The following METTL16 variants were observed in gnomAD, a reference collection of about 807,000 sequenced individuals.
METTL16 encodes the protein methyltransferase 16, RNA N6-adenosine, also known as RNA N(6)-adenosine-methyltransferase METTL16.
In METTL16, 19 loss-of-function variants were observed where a neutral mutation model predicts 57.9. That is an observed-to-expected ratio of 0.33 (90% CI 0.23 to 0.48). The LOEUF is 0.48. METTL16 is among the 20% of genes least tolerant of loss of function. The probability of loss-of-function intolerance (pLI) is 0.99; values close to 1 mark genes in which losing one functional copy is unlikely to be tolerated. For missense variants in METTL16, 434 were observed against 691.5 expected (o/e 0.63, Z 4.18); for synonymous variants, 246 against 255.6 (o/e 0.96, Z 0.36).
chr17:2,420,174 C>G lies in METTL16; in HGVS notation c.1485G>C (p.Gln495His), dbSNP rs774102512. The G allele has an allele frequency of 1.9e-6, 3 of 1,614,144 alleles. No homozygotes were observed. Among genetic ancestry groups the G allele is most frequent in the Non-Finnish European group, 2.5e-6 (3 of 1,180,054 alleles). ...NGAQDQEASE[Q>H]FGSPVAERGK... The stretch of plus-strand genomic sequence containing the variant: ...CCCTTTCAGCCACTGGGCTGCCGAA[C>G]TGCTCAGAAGCCTCTTGGTCCTGGG... Residue 495 changes from glutamine to histidine, a missense_variant, in exon 10 of 10, where the codon CAG (glutamine) becomes CAC (histidine). By Grantham distance (24) the Gln-to-His change is conservative. Transcript: ENST00000263092. The surrounding 1 kb of genome is among the most constrained non-coding windows in gnomAD (Gnocchi z 5.4).
chr17:2,499,051 C>A (rs1002741318), intron 2 of METTL16, among the ~76,000 whole-genome samples: 3 of 151,642 alleles, frequency 2.0e-5, no homozygotes, highest in Admixed American at 2.0e-4. Flanking sequence ...GGTTTCAAAT[C>A]ATTCTCTAAA....
chr17:2,466,537 G>A (rs1007453199), intron 5 of METTL16, among the ~76,000 whole-genome samples: 3 of 152,096 alleles, frequency 2.0e-5, no homozygotes, highest in Admixed American at 6.6e-5. Context: ...TTTCTTTGTC[G>A]TTAAGTCAAT....
intron 1 of METTL16, among the ~76,000 whole-genome samples, chr17:2,510,842 T>A (rs2067582112): frequency 6.6e-6 from 1 of 152,142 alleles, no homozygotes; most frequent in South Asian, 2.1e-4. Context: ...TACTTCATTT[T>A]TTGTAGAAAG....
intron 7 of METTL16, among the ~76,000 whole-genome samples, chr17:2,439,209 A>G (rs2066929996): frequency 6.6e-6 from 1 of 152,192 alleles, no homozygotes; most frequent in Non-Finnish European, 1.5e-5. Context: ...TTCCGGGCTC[A>G]ATGGATCCTC....
chr17:2,427,978 G>A (rs920269772), intron 8 of METTL16, among the ~76,000 whole-genome samples: 8 of 148,790 alleles, frequency 5.4e-5, no homozygotes, highest in Non-Finnish European at 1.2e-4. Context: ...TTAGCTGGAT[G>A]TGGTGGCAAG....
chr17:2,426,094 A>G (rs2066816340), intron 8 of METTL16, among the ~76,000 whole-genome samples: 1 of 151,674 alleles, frequency 6.6e-6, no homozygotes, highest in Non-Finnish European at 1.5e-5. Flanking sequence ...TATTTGCAGG[A>G]AGAGAAGAGC....
In METTL16 at chr17:2,445,565, C is replaced by T. The variant is rs189223726; in HGVS notation, c.729-4006G>A. ...CTTTGGGAGGCTGAGGTGGGTGGATCACTTGAGGTCAGGAGTTTGAGACCA... is the reference window on the plus strand; with the variant it reads ...CTTTGGGAGGCTGAGGTGGGTGGATTACTTGAGGTCAGGAGTTTGAGACCA... On this transcript the variant is annotated intron_variant, in intron 6 of 9. Transcript: ENST00000263092. 2.8e-3 allele frequency among the ~76,000 whole-genome samples: 423 copies of T among 152,186 alleles called. 3 individuals are homozygous for T. Among genetic ancestry groups the T allele is most frequent in the African/African-American group, 9.5e-3 (396 of 41,526 alleles).
At chr17:2,415,772 G>A (rs139768748), downstream of METTL16, 1,705 of 152,460 alleles carry the variant, frequency 0.011, 12 homozygotes, top group Non-Finnish European at 0.019. Flanking sequence ...GTGAGCCACC[G>A]CACCCGGCCT....
At position 2,420,933 on chromosome 17, in the gene METTL16, GAAGA is replaced by G. The variant is rs2066761117; in HGVS notation, c.889-33_889-30del. The G allele has an allele frequency of 1.4e-5, 22 of 1,600,694 alleles. No homozygotes were observed. Among genetic ancestry groups the G allele is most frequent in the Non-Finnish European group, 1.8e-5 (21 of 1,174,836 alleles). ...CAAGAAAAAGGAAGCATAGAAAAGA[GAAGA>G]AAGTTATCCGAATAATTAAACCTCA... is the stretch of plus-strand genomic sequence containing the variant. On this transcript the variant is annotated intron_variant, in intron 8 of 9. Transcript: ENST00000263092. The surrounding 1 kb of genome is among the most constrained non-coding windows in gnomAD (Gnocchi z 5.4).
At chr17:2,460,879 C>CA (rs1316964814) in intron 6 of METTL16, among the ~76,000 whole-genome samples, 1 of 135,038 alleles carries the variant, frequency 7.4e-6, no homozygotes, top group African/African-American at 2.8e-5. Flanking sequence ...GAGGGAAACT[C>CA]AGTCTCAAAA....
rs549457667 is a variant in METTL16, at chr17:2,419,780, T to G, written c.*190A>C. ...AATTCCTCCTTGTAAATGACCACAC[T>G]ACGACTCCCTGTAACTCAAAAAGCG... On this transcript the variant is annotated 3_prime_UTR_variant, in exon 10 of 10. Coordinates refer to ENST00000263092, the MANE Select transcript of METTL16 (RefSeq NM_024086.4). 1 of 739,216 alleles carries G rather than the reference T, an allele frequency of 1.4e-6. No individual in the cohort carries two copies. The highest frequency in any genetic ancestry group is 1.7e-5 in the African/African-American group (1 of 57,872). The allele number at this position is 739,216 out of a possible 1,614,324, so 45.8% of individuals were successfully genotyped here. A position where few individuals can be genotyped will look rare whatever the true frequency, so the allele number is the denominator to read the frequency against.
chr17:2,415,840 A>G (rs1479460576), downstream of METTL16: 3 of 152,314 alleles, frequency 2.0e-5, no homozygotes, highest in African/African-American at 7.2e-5. Context: ...TTGGAAAGTT[A>G]CTGTTTGAAG....
In METTL16 at chr17:2,449,777, C is replaced by T. The variant is rs113935071; in HGVS notation, c.729-8218G>A. On this transcript the variant is annotated intron_variant, in intron 6 of 9. Coordinates refer to ENST00000263092, the MANE Select transcript of METTL16 (RefSeq NM_024086.4). ...ACTATAGACTGGGAGGAAATACTTG[C>T]AAAACACATTTGACAATGGACTGTA... 2.1e-3 allele frequency among the ~76,000 whole-genome samples: 327 copies of T among 152,232 alleles called. 6 individuals are homozygous for T. The highest frequency in any genetic ancestry group is 7.3e-3 in the African/African-American group (302 of 41,540).
chr17:2,500,685 C>A (rs2067481161), intron 2 of METTL16, among the ~76,000 whole-genome samples: 1 of 152,198 alleles, frequency 6.6e-6, no homozygotes, highest in Admixed American at 6.5e-5. Flanking sequence ...ATTTCCAATT[C>A]CCTCTGTAAC....
intron 8 of METTL16, among the ~76,000 whole-genome samples, chr17:2,435,225 A>C (rs1484582048): frequency 6.6e-6 from 1 of 152,198 alleles, no homozygotes; most frequent in Non-Finnish European, 1.5e-5. Flanking sequence ...CACCAACAGA[A>C]ACGAGTCAGT....
chr17:2,506,951 G>A (rs1427953893), intron 1 of METTL16, among the ~76,000 whole-genome samples: 1 of 150,602 alleles, frequency 6.6e-6, no homozygotes, highest in East Asian at 2.0e-4. Flanking sequence ...TCTGAGAAGT[G>A]AGGAGACCCT....
chr17:2,486,174 T>C (rs1053611141), intron 2 of METTL16, among the ~76,000 whole-genome samples: 4 of 152,158 alleles, frequency 2.6e-5, no homozygotes, highest in Non-Finnish European at 4.4e-5. Context: ...CCAGATTACG[T>C]AGGGCATTAT....
At chr17:2,485,720 G>A (rs531101383) in intron 2 of METTL16, among the ~76,000 whole-genome samples, 23 of 152,236 alleles carry the variant, frequency 1.5e-4, no homozygotes, top group Admixed American at 9.2e-4. Flanking sequence ...CAGGTATTAC[G>A]CAAAATGCTA....
intron 1 of METTL16, 96 bp from the exon 2 acceptor site, chr17:2,502,427 T>C: frequency 8.5e-7 from 1 of 1,180,336 alleles, no homozygotes; most frequent in Non-Finnish European, 1.2e-6. Context: ...TCCCAGTACT[T>C]TGGGAGGCCA....
Sources: allele counts gnomAD v4.1 joint callset (sites outside exome capture counted in the v4.1 genomes callset), GRCh38; gene constraint gnomAD v4.1.1; non-coding constraint Gnocchi (gnomAD v3.1); transcripts MANE v1.5; gene names NCBI Gene and HGNC (gene_info 2026-07-23, HGNC 2026-07-21).